SEC24A: variants seen among roughly 807,000 people sequenced by gnomAD.
SEC24A encodes the protein SEC24 homolog A, COPII component.
In SEC24A, 93 loss-of-function variants were observed where a neutral mutation model predicts 129.4. That is an observed-to-expected ratio of 0.72 (90% CI 0.61 to 0.85). The LOEUF (loss-of-function observed/expected upper bound fraction) is 0.85. SEC24A is among the 40% of genes least tolerant of loss of function. The pLI is 0.00. For missense variants in SEC24A, 1,264 were observed against 1,307.4 expected (o/e 0.97, Z 0.51); for synonymous variants, 460 against 467.3 (o/e 0.98, Z 0.20).
chr5:134,715,556 T>A (rs1481720200), intron 19 of SEC24A: 2 of 162,382 alleles, frequency 1.2e-5, no homozygotes, highest in Admixed American at 1.3e-4. Flanking sequence ...TGTACAAGGA[T>A]GACACACAAA....
chr5:134,667,454 T>C (rs1193820856), intron 3 of SEC24A, among the ~76,000 whole-genome samples: 1 of 151,282 alleles, frequency 6.6e-6, no homozygotes, highest in East Asian at 1.9e-4. Flanking sequence ...ATCGAGACCA[T>C]CCTGGCTAAC....
intron 9 of SEC24A, among the ~76,000 whole-genome samples, chr5:134,685,366 TAAA>T (rs765501527): frequency 7.2e-6 from 1 of 138,564 alleles, no homozygotes; most frequent in South Asian, 2.6e-4. Context: ...ACCTTCTCTC[TAAA>T]AAAAAAAAAA....
intron 3 of SEC24A, among the ~76,000 whole-genome samples, chr5:134,667,653 C>CA (rs1203841096): frequency 0.043 from 1,706 of 39,534 alleles, 23 homozygotes; most frequent in African/African-American, 0.083. Context: ...GACTCCGTCT[C>CA]AAAAAAAAAA....
At position 134,705,437 on chromosome 5, in the gene SEC24A, G is replaced by T. The variant is rs1752132778; in HGVS notation, c.2551G>T (p.Ala851Ser). The T allele has an allele frequency of 6.4e-7, 1 of 1,568,412 alleles. No homozygotes were observed. The highest frequency in any genetic ancestry group is 1.4e-5 in the African/African-American group (1 of 73,926). The stretch of plus-strand genomic sequence containing the variant: ...AATTTCAGGGTTATTGGCCAATATG[G>T]GTAAGAGTTGTTATCTGTTATAAAT... ...QAISGLLANM[A>S]VDRSMTASLS... Residue 851 changes from alanine to serine, a missense_variant and splice_region_variant, in exon 17 of 23, where the codon GCT (alanine) becomes TCT (serine). Physicochemically the swap from Ala to Ser is moderately conservative, Grantham distance 99 (BLOSUM62 1). Transcript: ENST00000398844.
Position 134,693,855 on chromosome 5 carries a change from C to T in SEC24A, c.1908C>T (p.Val636=). ...CTCCAACTGGTGGTCGAATGTCTGTCTTTCAAACACAACTCCCAACTCTTG... is the reference window on the plus strand; with the variant it reads ...CTCCAACTGGTGGTCGAATGTCTGTTTTTCAAACACAACTCCCAACTCTTG... ...LMSPTGGRMS[V]FQTQLPTLGV... The change falls in exon 13 of 23, where the codon GTC becomes GTT. Residue 636 remains valine (V), a synonymous_variant. Coordinates refer to ENST00000398844, the MANE Select transcript of SEC24A (RefSeq NM_021982.3). 1 of 1,614,122 alleles carries T rather than the reference C, an allele frequency of 6.2e-7. No individual in the cohort carries two copies. Among genetic ancestry groups the T allele is most frequent in the Non-Finnish European group, 8.5e-7 (1 of 1,180,026 alleles).
At chr5:134,715,204 A>C (rs1399978505) in intron 19 of SEC24A, 43 bp downstream of exon 19, 2 of 1,521,618 alleles carry the variant, frequency 1.3e-6, no homozygotes, top group South Asian at 2.3e-5. Flanking sequence ...GAAGATTAGT[A>C]AGCCTAATCA....
At position 134,658,128 on chromosome 5, in the gene SEC24A, G is replaced by A. The variant is rs562238202; in HGVS notation, c.98-2991G>A. ...TACTAAAAATACAAAATTAGCCAGC[G>A]TGGTGGTGCACACCTGTAATCCTAG... On this transcript the variant is annotated intron_variant, in intron 1 of 22. Coordinates refer to ENST00000398844, the MANE Select transcript of SEC24A (RefSeq NM_021982.3). 2.4e-4 allele frequency among the ~76,000 whole-genome samples: 36 copies of A among 152,174 alleles called. 2 individuals carry two copies. The South Asian group carries it at 7.5e-3, about 32-fold the overall frequency.
chr5:134,671,897 A>G lies in SEC24A; in HGVS notation c.817+11A>G. On this transcript the variant is annotated intron_variant, in intron 4 of 22. Transcript: ENST00000398844. Reference sequence around the variant, plus strand: ...GAGGTGGCTTATTGGGTGAGATGCTATGAAAGTTTTTTTTTTAATCTCTTT... The same window carrying G: ...GAGGTGGCTTATTGGGTGAGATGCTGTGAAAGTTTTTTTTTTAATCTCTTT... The G allele has an allele frequency of 1.3e-6, 2 of 1,569,382 alleles. No homozygotes were observed. Among genetic ancestry groups the G allele is most frequent in the South Asian group, 1.2e-5 (1 of 86,724 alleles).
chr5:134,658,661 C>T (rs1370187732), intron 1 of SEC24A, among the ~76,000 whole-genome samples: 1 of 152,164 alleles, frequency 6.6e-6, no homozygotes, highest in Non-Finnish European at 1.5e-5. Flanking sequence ...CTGCTTTGGC[C>T]TCCCAGTGTG....
intron 16 of SEC24A, among the ~76,000 whole-genome samples, chr5:134,704,582 C>G (rs1752097469): frequency 6.6e-6 from 1 of 152,030 alleles, no homozygotes; most frequent in Non-Finnish European, 1.5e-5. Context: ...GGGAGGATCA[C>G]TTGAGGCCAG....
rs745430197 is a variant in SEC24A, at chr5:134,682,471, T to G, written c.1480T>G (p.Ser494Ala). 1.2e-5 allele frequency: 18 copies of G among 1,557,146 alleles called. No homozygotes were observed. Among genetic ancestry groups the G allele is most frequent in the Non-Finnish European group, 1.4e-5 (16 of 1,129,604 alleles). Residue 494 changes from serine (S) to alanine (A), a missense_variant, in exon 9 of 23, where the codon TCA (serine) becomes GCA (alanine). Coordinates refer to ENST00000398844, the MANE Select transcript of SEC24A (RefSeq NM_021982.3). The part of the protein sequence containing the change: ...QNATIEFMAP[S>A]EYMLRPPQPP... ...TGCTACTATTGAGTTTATGGCTCCT[T>G]CAGAATACATGGTAAACTTTTATTT... is the stretch of plus-strand genomic sequence containing the variant.
At chr5:134,667,087 A>AT (rs1442553258) in intron 3 of SEC24A, 91 bp downstream of exon 3, 15 of 1,152,320 alleles carry the variant, frequency 1.3e-5, no homozygotes, top group South Asian at 5.4e-5. Flanking sequence ...TTAAAATCAC[A>AT]TTTTTTCCAG....
intron 19 of SEC24A, among the ~76,000 whole-genome samples, chr5:134,715,904 G>A (rs1752464137): frequency 6.6e-6 from 1 of 151,674 alleles, no homozygotes; most frequent in South Asian, 2.1e-4. Flanking sequence ...ATTTTTTCTG[G>A]GGAATGGGGG....
chr5:134,670,983 C>T (rs1238911847), intron 3 of SEC24A, among the ~76,000 whole-genome samples: 8 of 151,350 alleles, frequency 5.3e-5, no homozygotes, highest in African/African-American at 1.9e-4. Context: ...AGTGAGACTC[C>T]ATCTCAAAAA....
chr5:134,661,103 C>T lies in SEC24A; in HGVS notation c.98-16C>T, dbSNP rs1257631223. On this transcript the variant is annotated splice_polypyrimidine_tract_variant and intron_variant, in intron 1 of 22. Coordinates refer to ENST00000398844, the MANE Select transcript of SEC24A (RefSeq NM_021982.3). ...TATTCGTTGGTAAGACTAATTTTTC[C>T]TCCTTTTATTGGAAGGTCCTGTCCA... 3.2e-6 allele frequency: 5 copies of T among 1,538,864 alleles called. No homozygotes were observed. The highest frequency in any genetic ancestry group is 1.4e-5 in the African/African-American group (1 of 72,226).
intron 3 of SEC24A, among the ~76,000 whole-genome samples, chr5:134,670,424 C>T (rs1363690598): frequency 1.3e-5 from 2 of 152,126 alleles, no homozygotes; most frequent in African/African-American, 2.4e-5. Flanking sequence ...CAGTTTTGTA[C>T]TTAGGTGCTA....
rs1446581877 is a variant in SEC24A at position 134,686,997 on chromosome 5, T to C, written c.1604+95T>C. 4.7e-5 allele frequency: 31 copies of C among 657,472 alleles called. No homozygotes were observed. In the East Asian group the frequency reaches 8.8e-4, roughly 19 times the overall value. 40.7% of individuals were successfully genotyped at this position (657,472 alleles called of 1,614,324 possible). A position where few individuals can be genotyped will look rare whatever the true frequency, so the allele number is the denominator to read the frequency against. On this transcript the variant is annotated intron_variant, in intron 10 of 22. Coordinates refer to ENST00000398844, the MANE Select transcript of SEC24A (RefSeq NM_021982.3). ...TTAAAAAATAAAAGCTGTATAATTA[T>C]GTTCTAAAACTCCACCCAAATCAGT...
At chr5:134,673,159 G>C (rs1423926651) in intron 4 of SEC24A, among the ~76,000 whole-genome samples, 1 of 149,738 alleles carries the variant, frequency 6.7e-6, no homozygotes, top group Admixed American at 6.8e-5. Context: ...TGGTTCAAGC[G>C]ATTCTCCTGC....
At chr5:134,713,780 C>T (rs1346977805) in intron 18 of SEC24A, among the ~76,000 whole-genome samples, 2 of 151,114 alleles carry the variant, frequency 1.3e-5, no homozygotes, top group African/African-American at 4.9e-5. Context: ...CCTGTAATCC[C>T]AGCACTTTGG....
Sources: gnomAD v4.1 joint callset for allele counts (sites outside exome capture counted in the v4.1 genomes callset) on GRCh38, gnomAD v4.1.1 for gene constraint, MANE v1.5 for transcripts, NCBI Gene and HGNC (gene_info 2026-07-23, HGNC 2026-07-21) for gene names.